Variants in HIKESHI observed in about 807,000 individuals in gnomAD.
HIKESHI encodes the protein protein Hikeshi.
Under a neutral mutation model 25.7 loss-of-function variants are expected in HIKESHI, and 13 were observed. The ratio of observed to expected loss-of-function variants is 0.51; its 90% CI spans 0.33 to 0.80. HIKESHI has a LOEUF of 0.80. Among genes scored for constraint, HIKESHI ranks in the 30% least tolerant of loss-of-function variants. The pLI is 0.02. For missense variants in HIKESHI, 174 were observed against 229.5 expected (o/e 0.76, Z 1.56); for synonymous variants, 76 against 78.7 (o/e 0.97, Z 0.18).
chr11:86,323,044 C>T (rs776085606), intron 2 of HIKESHI, among the ~76,000 whole-genome samples: 3 of 151,888 alleles, frequency 2.0e-5, no homozygotes, highest in African/African-American at 4.8e-5. Flanking sequence ...GCCTGGGCAA[C>T]GTAGCAAAAC....
intron 4 of HIKESHI, chr11:86,345,314 G>A (rs1357744425): frequency 2.8e-6 from 1 of 355,122 alleles, no homozygotes; most frequent in East Asian, 6.5e-5. Context: ...GTCCCTTCTA[G>A]GTCTTAAATT....
intron 2 of HIKESHI, among the ~76,000 whole-genome samples, chr11:86,328,427 G>GTTTTT (rs1323519457): frequency 1.5e-5 from 2 of 137,010 alleles, no homozygotes; most frequent in African/African-American, 2.8e-5. Context: ...CGCAGCTAAT[G>GTTTTT]TTTTTTGTTT....
At chr11:86,305,990 G>T (rs945352161) in intron 1 of HIKESHI, among the ~76,000 whole-genome samples, 7 of 152,250 alleles carry the variant, frequency 4.6e-5, no homozygotes, top group African/African-American at 1.7e-4. Flanking sequence ...TGATCTGCCC[G>T]CCTTGGCCTC....
In HIKESHI at chr11:86,302,408, C is replaced by T; in HGVS notation, c.-41C>T. On this transcript the variant is annotated 5_prime_UTR_variant, in exon 1 of 5. Coordinates refer to ENST00000278483, the MANE Select transcript of HIKESHI (RefSeq NM_016401.4). ...CAGTAGCCCCAGGACTCCTAGTCGC[C>T]GGCTTCAGGTCACTGCCGGCTGAAC... The T allele has an allele frequency of 6.4e-7, 1 of 1,551,170 alleles. No homozygotes were observed. The highest frequency in any genetic ancestry group is 8.7e-7 in the Non-Finnish European group (1 of 1,146,902).
chr11:86,339,338 G>A (rs891841262), intron 3 of HIKESHI, among the ~76,000 whole-genome samples: 2 of 152,162 alleles, frequency 1.3e-5, no homozygotes, highest in Admixed American at 6.5e-5. Flanking sequence ...GTGAGCCACC[G>A]CGCCCAGCCT....
At chr11:86,328,337 C>A (rs1299270039) in intron 2 of HIKESHI, among the ~76,000 whole-genome samples, 1 of 151,830 alleles carries the variant, frequency 6.6e-6, no homozygotes, top group Non-Finnish European at 1.5e-5. Flanking sequence ...CAGCTCACTA[C>A]AACTTCCGCC....
intron 2 of HIKESHI, among the ~76,000 whole-genome samples, chr11:86,310,174 A>G (rs1010454243): frequency 1.4e-5 from 2 of 147,182 alleles, no homozygotes; most frequent in Non-Finnish European, 3.0e-5. Context: ...CCATTTTCAC[A>G]ATATTGATTC....
intron 2 of HIKESHI, among the ~76,000 whole-genome samples, chr11:86,313,706 C>A (rs1238031288): frequency 1.3e-5 from 2 of 151,588 alleles, no homozygotes; most frequent in Non-Finnish European, 3.0e-5. Flanking sequence ...TTCTGTAGAC[C>A]AGTAATTGGA....
intron 1 of HIKESHI, among the ~76,000 whole-genome samples, chr11:86,305,967 TC>T (rs1946612245): frequency 6.6e-6 from 1 of 152,180 alleles, no homozygotes; most frequent in Non-Finnish European, 1.5e-5. Context: ...GGTCTTGAAC[TC>T]CTGATCTCAG....
chr11:86,316,184 GAA>G lies in HIKESHI; in HGVS notation c.268+9705_268+9706del, dbSNP rs566900731. Among the ~76,000 whole-genome samples the G allele has an allele frequency of 2.4e-3, 355 of 147,290 alleles. 7 individuals carry two copies. The highest frequency in any genetic ancestry group is 0.011 in the Middle Eastern group (3 of 276). ...GACTAAGTGGAGGAAAGGTAGTAGAGAAAACAGTCCACTAGAATGTAGGAAAA... is the reference window on the plus strand; with the variant it reads ...GACTAAGTGGAGGAAAGGTAGTAGAGAACAGTCCACTAGAATGTAGGAAAA... On this transcript the variant is annotated intron_variant, in intron 2 of 4. Coordinates refer to ENST00000278483, the MANE Select transcript of HIKESHI (RefSeq NM_016401.4).
chr11:86,315,680 A>G (rs979051030), intron 2 of HIKESHI, among the ~76,000 whole-genome samples: 6 of 40,014 alleles, frequency 1.5e-4, no homozygotes, highest in African/African-American at 5.4e-4. Context: ...TCAGATGAAG[A>G]TGAAGACCAT....
chr11:86,312,947 C>T (rs957128041), intron 2 of HIKESHI, among the ~76,000 whole-genome samples: 2 of 152,186 alleles, frequency 1.3e-5, no homozygotes, highest in East Asian at 3.9e-4. Context: ...AGATGGGCTT[C>T]CCTTTGTGGG....
At chr11:86,342,496 T>A (rs1303634499) in intron 3 of HIKESHI, among the ~76,000 whole-genome samples, 1 of 22,900 alleles carries the variant, frequency 4.4e-5, no homozygotes, top group East Asian at 3.8e-3. Context: ...TGTGTGTGTG[T>A]GTGTGTGTGT....
chr11:86,307,760 A>G lies in HIKESHI; in HGVS notation c.268+1278A>G, dbSNP rs144210957. On this transcript the variant is annotated intron_variant, in intron 2 of 4. Transcript: ENST00000278483. ...TTATATAAAATATATATTATGTGTAATATACATTATATAAAATATATATTA... is the reference window on the plus strand; with the variant it reads ...TTATATAAAATATATATTATGTGTAGTATACATTATATAAAATATATATTA... Among the ~76,000 whole-genome samples, 63 of 94,944 alleles carry G rather than the reference A, an allele frequency of 6.6e-4. 2 individuals are homozygous for G. The highest frequency in any genetic ancestry group is 8.0e-4 in the Non-Finnish European group (41 of 51,118). The allele number at this position is 94,944 out of a possible 152,430, so 62.3% of individuals were successfully genotyped here.
chr11:86,308,305 ATT>A lies in HIKESHI; in HGVS notation c.268+1824_268+1825del, dbSNP rs1491368890. Among the ~76,000 whole-genome samples the A allele has an allele frequency of 1.8e-4, 16 of 91,048 alleles. 1 individual carries two copies. The South Asian group carries it at 5.4e-3, about 31-fold the overall frequency. The allele number at this position is 91,048 out of a possible 152,430, so 59.7% of individuals were successfully genotyped here. A position where few individuals can be genotyped will look rare whatever the true frequency, so the allele number is the denominator to read the frequency against. On this transcript the variant is annotated intron_variant, in intron 2 of 4. Transcript: ENST00000278483. Reference sequence around the variant, plus strand: ...AAAATATATATTACATATAATATATATTATATATAAAATATATATTACATATA... The same window carrying A: ...AAAATATATATTACATATAATATATAATATATAAAATATATATTACATATA...
At chr11:86,326,636 C>A in intron 2 of HIKESHI, 1 of 442,588 alleles carries the variant, frequency 2.3e-6, no homozygotes, top group Non-Finnish European at 4.5e-6. Context: ...ATGAGAATCT[C>A]TCTATGGAAG....
chr11:86,328,869 G>T (rs2513200), intron 2 of HIKESHI, among the ~76,000 whole-genome samples: 93,867 of 151,440 alleles, frequency 0.62, 29,276 homozygotes, highest in East Asian at 0.79. Flanking sequence ...GAGCCACTGC[G>T]CTCGGCCCCA....
chr11:86,304,367 A>G (rs189639244), intron 1 of HIKESHI, among the ~76,000 whole-genome samples: 2 of 152,186 alleles, frequency 1.3e-5, no homozygotes, highest in Non-Finnish European at 2.9e-5. Context: ...GAACTTGGTC[A>G]TTTTAAACAG....
chr11:86,316,825 G>C (rs542408147), intron 2 of HIKESHI, among the ~76,000 whole-genome samples: 1 of 97,100 alleles, frequency 1.0e-5, no homozygotes, highest in African/African-American at 4.1e-5. Flanking sequence ...ACAGAGTCTC[G>C]CTCTGTTGCC....
Sources: gnomAD v4.1 joint callset for allele counts (sites outside exome capture counted in the v4.1 genomes callset) on GRCh38, gnomAD v4.1.1 for gene constraint, MANE v1.5 for transcripts, NCBI Gene and HGNC (gene_info 2026-07-23, HGNC 2026-07-21) for gene names.